The following PICALM variants were observed in gnomAD, a reference collection of about 807,000 sequenced individuals.
The protein encoded by PICALM is phosphatidylinositol-binding clathrin assembly protein.
In PICALM, 40 loss-of-function variants were observed where a neutral mutation model predicts 80.5. The ratio of observed to expected loss-of-function variants is 0.50; its 90% CI spans 0.39 to 0.65. PICALM has a LOEUF of 0.65. Among genes scored for constraint, PICALM ranks in the 30% least tolerant of loss-of-function variants. The probability of loss-of-function intolerance (pLI) is 0.00; values close to 1 mark genes in which losing one functional copy is unlikely to be tolerated. For synonymous variants in PICALM, 288 were observed against 260.3 expected (o/e 1.11, Z -1.02); for missense variants, 676 against 778.9 (o/e 0.87, Z 1.57).
chr11:86,028,884 G>T (rs2095698996), intron 2 of PICALM, among the ~76,000 whole-genome samples: 1 of 149,920 alleles, frequency 6.7e-6, no homozygotes. Context: ...TGTTGCCCAG[G>T]CTGGCATGCA....
intron 19 of PICALM, among the ~76,000 whole-genome samples, chr11:85,964,293 CA>C: frequency 6.6e-6 from 1 of 152,210 alleles, no homozygotes; most frequent in East Asian, 1.9e-4. Context: ...TTCAGTCACC[CA>C]AAAGACTGGG....
At chr11:85,968,947 AACAC>A (rs57641869) in intron 19 of PICALM, among the ~76,000 whole-genome samples, 25,223 of 143,148 alleles carry the variant, frequency 0.18, 2,277 homozygotes, top group South Asian at 0.19. Context: ...AAAATGACTC[AACAC>A]ACACACACAC....
At chr11:85,983,538 C>A (rs2094499929) in intron 14 of PICALM, among the ~76,000 whole-genome samples, 2 of 152,154 alleles carry the variant, frequency 1.3e-5, no homozygotes, top group African/African-American at 4.8e-5. Flanking sequence ...TTATTCATTT[C>A]AGTAAAAGTA....
At chr11:86,006,740 A>C (rs1157752982) in intron 8 of PICALM, among the ~76,000 whole-genome samples, 1 of 152,264 alleles carries the variant, frequency 6.6e-6, no homozygotes, top group Non-Finnish European at 1.5e-5. Context: ...AAATGTTACA[A>C]GGATAGCTTA....
chr11:85,990,861 G>A (rs748674875), intron 12 of PICALM, among the ~76,000 whole-genome samples: 39 of 152,088 alleles, frequency 2.6e-4, no homozygotes, highest in Non-Finnish European at 5.4e-4. Context: ...TTTTTGGCAT[G>A]TGCAGATAAT....
At chr11:86,008,903 G>A (rs1368677269) in intron 7 of PICALM, among the ~76,000 whole-genome samples, 3 of 142,634 alleles carry the variant, frequency 2.1e-5, no homozygotes, top group Admixed American at 7.3e-5. Context: ...GACCTGCCTG[G>A]GCAATATAGT....
chr11:86,012,493 G>T, intron 5 of PICALM, 101 bp from the exon 6 acceptor site: 1 of 643,452 alleles, frequency 1.6e-6, no homozygotes, highest in African/African-American at 1.8e-5. Flanking sequence ...TCATGCATTA[G>T]GCATGTTAGT....
chr11:86,005,540 CA>C (rs1028888243), intron 8 of PICALM, among the ~76,000 whole-genome samples: 168 of 151,786 alleles, frequency 1.1e-3, no homozygotes, highest in African/African-American at 4.0e-3. Flanking sequence ...CCTGTCTCCA[CA>C]AAAAAATAAA....
chr11:85,983,143 TTA>T (rs549356693), intron 14 of PICALM, among the ~76,000 whole-genome samples: 234 of 152,322 alleles, frequency 1.5e-3, no homozygotes, highest in Non-Finnish European at 1.3e-3. Flanking sequence ...GGATAACTAA[TTA>T]TATGTTATAA....
chr11:86,057,215 A>G (rs939739745), intron 1 of PICALM, among the ~76,000 whole-genome samples: 18 of 151,598 alleles, frequency 1.2e-4, no homozygotes, highest in Non-Finnish European at 2.2e-4. Flanking sequence ...TCTAAAAGGG[A>G]AAAAAAATAA....
At chr11:85,983,825 T>A (rs1015615917) in intron 14 of PICALM, 41 bp downstream of exon 14, 1 of 793,486 alleles carries the variant, frequency 1.3e-6, no homozygotes, top group Admixed American at 2.4e-5. Flanking sequence ...GAATCTAAAT[T>A]AGGACATTAT....
chr11:85,974,280 C>G (rs1007143024), intron 19 of PICALM, among the ~76,000 whole-genome samples: 1 of 152,088 alleles, frequency 6.6e-6, no homozygotes, highest in Admixed American at 6.6e-5. Flanking sequence ...ACATTCAAAA[C>G]TTTTTGGAGA....
At chr11:86,006,258 G>GT (rs765505021) in intron 8 of PICALM, among the ~76,000 whole-genome samples, 2 of 152,132 alleles carry the variant, frequency 1.3e-5, no homozygotes, top group Non-Finnish European at 2.9e-5. Flanking sequence ...CCCATGACTA[G>GT]ATTTATTGCA....
chr11:86,031,577 G>A lies in PICALM; in HGVS notation c.165C>T (p.Asn55=), dbSNP rs776752598. The change falls in exon 2 of 20, where the codon AAC becomes AAT. Residue 55 remains asparagine, a synonymous_variant. Transcript: ENST00000393346. ...LIQCTNEMNV[N]IPQLADSLFE... is the part of the protein sequence containing the mutation. ...ATAAACTGTCTGCCAACTGTGGGAT[G>A]TTCACATTCATCTCATTTGTGCACT... The A allele has an allele frequency of 1.2e-6, 2 of 1,611,586 alleles. No homozygotes were observed. The highest frequency in any genetic ancestry group is 1.7e-6 in the Non-Finnish European group (2 of 1,179,110).
intron 13 of PICALM, among the ~76,000 whole-genome samples, chr11:85,988,678 A>AG (rs776447955): frequency 2.6e-5 from 4 of 152,066 alleles, no homozygotes; most frequent in Non-Finnish European, 5.9e-5. Flanking sequence ...GAGGAAGAAG[A>AG]GAAAAAAAAG....
At chr11:86,037,509 C>T (rs1252692189) in intron 1 of PICALM, among the ~76,000 whole-genome samples, 1 of 150,930 alleles carries the variant, frequency 6.6e-6, no homozygotes, top group African/African-American at 2.4e-5. Context: ...CCACCTGCCT[C>T]GGCCTCCCAA....
chr11:86,069,448 A>G (rs1367095610), upstream of PICALM: 1 of 152,744 alleles, frequency 6.5e-6, no homozygotes, highest in East Asian at 1.9e-4. Context: ...TTCTCCCCTT[A>G]TCCCCCCACC....
intron 19 of PICALM, among the ~76,000 whole-genome samples, chr11:85,964,639 A>T (rs914871252): frequency 6.6e-6 from 1 of 151,736 alleles, no homozygotes; most frequent in Non-Finnish European, 1.5e-5. Context: ...GCCTAGCTCA[A>T]ATGTCATTGC....
intron 13 of PICALM, among the ~76,000 whole-genome samples, chr11:85,987,805 C>T (rs1187081752): frequency 6.6e-6 from 1 of 152,198 alleles, no homozygotes; most frequent in Admixed American, 6.5e-5. Context: ...CATTTTGATA[C>T]TTTTATATAC....
Sources: gnomAD v4.1 joint callset for allele counts (sites outside exome capture counted in the v4.1 genomes callset) on GRCh38, gnomAD v4.1.1 for gene constraint, MANE v1.5 for transcripts, NCBI Gene and HGNC (gene_info 2026-07-23, HGNC 2026-07-21) for gene names.